PRKCH: variants seen among roughly 807,000 people sequenced by gnomAD.
The protein encoded by PRKCH is protein kinase C eta, also known as protein kinase C eta type.
Under a neutral mutation model 82.5 loss-of-function variants are expected in PRKCH, and 28 were observed. The observed-to-expected ratio is 0.34, with a 90% CI of 0.25 to 0.47. The LOEUF (loss-of-function observed/expected upper bound fraction) is 0.47, where lower values mean the gene tolerates loss of function less well. Ranked by LOEUF, PRKCH falls within the 20% of genes least tolerant of loss-of-function variation. The pLI is 1.00. For synonymous variants in PRKCH, 322 were observed against 327.4 expected, an observed-to-expected ratio of 0.98 and a Z score of 0.18; for missense variants, 705 against 881.8, an observed-to-expected ratio of 0.80 and a Z score of 2.54.
intron 2 of PRKCH, among the ~76,000 whole-genome samples, chr14:61,431,170 T>C (rs1883375028): frequency 1.1e-5 from 1 of 93,748 alleles, no homozygotes; most frequent in Non-Finnish European, 2.8e-5. Flanking sequence ...GAACACTCAA[T>C]TGGTAAGGGA....
In PRKCH at chr14:61,342,528, A is replaced by G. The variant is rs115539003; in HGVS notation, c.363+20064A>G. 9.0e-3 allele frequency among the ~76,000 whole-genome samples: 1,376 copies of G among 152,314 alleles called. 24 individuals are homozygous for G. Among genetic ancestry groups the G allele is most frequent in the African/African-American group, 0.032 (1,314 of 41,570 alleles). On this transcript the variant is annotated intron_variant, in intron 1 of 13. Transcript: ENST00000332981. ...ACTGAATTGTCGGCTTAAACCTGCC[A>G]TTCCACTGGGCTTCATCACTATGTT...
intron 4 of PRKCH, among the ~76,000 whole-genome samples, chr14:61,446,406 T>G (rs563676791): frequency 4.1e-4 from 62 of 152,330 alleles, no homozygotes; most frequent in African/African-American, 1.5e-3. Context: ...ACCTTTGACA[T>G]GAGTATCATC....
At chr14:61,208,475 T>C (rs1215305538) in intron 1 of PRKCH, among the ~76,000 whole-genome samples, 2 of 152,170 alleles carry the variant, frequency 1.3e-5, no homozygotes, top group African/African-American at 4.8e-5. Context: ...TTTGAGTAAA[T>C]GAGGTGAGAA....
At position 61,450,960 on chromosome 14, in the gene PRKCH, T is replaced by G. The variant is rs769023346; in HGVS notation, c.821T>G (p.Leu274Arg). 3 of 1,613,884 alleles carry G rather than the reference T, an allele frequency of 1.9e-6. No homozygotes were observed. In the African/African-American group the frequency reaches 4.0e-5, roughly 22 times the overall value. ...SLLWGIMRQG[L>R]QCKICKMNVH... ...CTCTGGGGAATAATGCGACAAGGAC[T>G]TCAGTGTAAAAGTGAGATGCTGAGG... Residue 274 changes from leucine to arginine, a missense_variant, in exon 6 of 14, where the codon CTT becomes CGT. By Grantham distance (102) the Leu-to-Arg change is moderately radical. Around this residue, in one of 5 missense-constraint regions of PRKCH, gnomAD observed 238 missense variants for 258.1 expected, o/e 0.92. Transcript: ENST00000332981.
chr14:61,236,106 C>T (rs7149765), intron 1 of PRKCH, among the ~76,000 whole-genome samples: 13,896 of 152,138 alleles, frequency 0.091, 768 homozygotes, highest in East Asian at 0.24. Context: ...CGGTGGCTCA[C>T]GCCTGTAACT....
In PRKCH at chr14:61,210,111, A is replaced by AAT. The variant is rs60055073; in HGVS notation, c.-19+22493_-19+22494dup. 9.5e-3 allele frequency among the ~76,000 whole-genome samples: 821 copies of AAT among 86,326 alleles called. 8 individuals carry two copies. Among genetic ancestry groups the AAT allele is most frequent in the Non-Finnish European group, 0.012 (479 of 39,710 alleles). The allele number at this position is 86,326 out of a possible 152,430, so 56.6% of individuals were successfully genotyped here. ...AAAAAACAAAACAAACAAACAAACA[A>AAT]ATATATATATATATATATATATATA... On this transcript the variant is annotated intron_variant, in intron 1 of 3. Coordinates refer to the PRKCH transcript ENST00000555185.
intron 1 of PRKCH, among the ~76,000 whole-genome samples, chr14:61,223,539 C>G (rs556504589): frequency 2.1e-4 from 32 of 152,292 alleles, no homozygotes; most frequent in African/African-American, 7.5e-4. Flanking sequence ...CTCTCTAACC[C>G]CTGCCCTCCT....
intron 3 of PRKCH, among the ~76,000 whole-genome samples, chr14:61,444,936 A>C (rs1884150192): frequency 6.6e-6 from 1 of 152,214 alleles, no homozygotes; most frequent in Admixed American, 6.5e-5. Context: ...CTGTGGCTCA[A>C]AGCATCAGGT....
chr14:61,453,398 T>G (rs753080701), intron 7 of PRKCH, 45 bp downstream of exon 7: 15 of 1,597,116 alleles, frequency 9.4e-6, no homozygotes, highest in Middle Eastern at 1.7e-4. Flanking sequence ...TAGAAGTTGC[T>G]CAGATGTGAT....
intron 1 of PRKCH, among the ~76,000 whole-genome samples, chr14:61,296,226 T>C (rs1165388522): frequency 6.6e-6 from 1 of 152,214 alleles, no homozygotes; most frequent in Non-Finnish European, 1.5e-5. Flanking sequence ...TTGTATAGAA[T>C]ATGGTTCAAA....
At chr14:61,380,825 A>G (rs545222267) in intron 1 of PRKCH, among the ~76,000 whole-genome samples, 86 of 152,304 alleles carry the variant, frequency 5.6e-4, no homozygotes, top group Middle Eastern at 6.8e-3. Context: ...ACTGTTTGTG[A>G]TTTTTTACTA....
chr14:61,400,593 C>G (rs1881554356), intron 2 of PRKCH, among the ~76,000 whole-genome samples: 1 of 152,174 alleles, frequency 6.6e-6, no homozygotes, highest in South Asian at 2.1e-4. Flanking sequence ...CATAGATGCT[C>G]TCTCGTCTTC....
At chr14:61,399,926 CT>C (rs1267581196) in intron 2 of PRKCH, among the ~76,000 whole-genome samples, 1 of 152,092 alleles carries the variant, frequency 6.6e-6, no homozygotes, top group Non-Finnish European at 1.5e-5. Context: ...CTGCTAAAAC[CT>C]TGAATTGTTC....
chr14:61,326,974 G>T, intron 1 of PRKCH: 1 of 431,432 alleles, frequency 2.3e-6, no homozygotes, highest in South Asian at 1.6e-5. Context: ...TCTAAATGGG[G>T]ACCAGCATCT....
intron 1 of PRKCH, among the ~76,000 whole-genome samples, chr14:61,228,733 A>T (rs2044717127): frequency 6.6e-6 from 1 of 152,022 alleles, no homozygotes; most frequent in Admixed American, 6.5e-5. Context: ...TTTCCTTTTT[A>T]GTCATTTTTC....
At chr14:61,281,075 CG>C in intron 1 of PRKCH, 1 of 1,515,792 alleles carries the variant, frequency 6.6e-7, no homozygotes, top group South Asian at 1.2e-5. Context: ...GGCTGCCAGG[CG>C]GGGAGGCGCT....
chr14:61,456,979 A>G (rs937622697), intron 7 of PRKCH, 197 bp from the exon 8 acceptor site: 10 of 570,986 alleles, frequency 1.8e-5, no homozygotes, highest in Admixed American at 3.4e-5. Context: ...CTTTTACACA[A>G]AGCAGTAAGC....
At chr14:61,433,759 T>C (rs567059955) in intron 2 of PRKCH, among the ~76,000 whole-genome samples, 1 of 152,312 alleles carries the variant, frequency 6.6e-6, no homozygotes, top group East Asian at 1.9e-4. Context: ...TATGAAAAGA[T>C]GTTTTGGGTG....
At chr14:61,256,371 C>T (rs1194801108) in intron 1 of PRKCH, among the ~76,000 whole-genome samples, 1 of 152,162 alleles carries the variant, frequency 6.6e-6, no homozygotes, top group Non-Finnish European at 1.5e-5. Context: ...AACCTGAATT[C>T]CCCGGAGTTG....
Sources: gnomAD v4.1 joint callset for allele counts (sites outside exome capture counted in the v4.1 genomes callset) on GRCh38, gnomAD v4.1.1 for gene constraint, gnomAD v4.1.1 regional missense constraint, MANE v1.5 for transcripts, NCBI Gene and HGNC (gene_info 2026-07-23, HGNC 2026-07-21) for gene names.